The following KAZN variants were observed in gnomAD, a reference collection of about 807,000 sequenced individuals.
The protein encoded by KAZN is kazrin, periplakin interacting protein, also known as kazrin.
Under a neutral mutation model 87.4 loss-of-function variants are expected in KAZN, and 40 were observed. The observed-to-expected ratio is 0.46, with a 90% confidence interval of 0.36 to 0.60. KAZN has a LOEUF of 0.60. KAZN is among the 20% of genes least tolerant of loss of function. The pLI is 0.00. For missense variants in KAZN, 898 were observed against 1,073.9 expected (o/e 0.84, Z 2.29); for synonymous variants, 466 against 458.3 (o/e 1.02, Z -0.22).
chr1:14,888,200 G>A (rs1464674838), intron 1 of KAZN, among the ~76,000 whole-genome samples: 1 of 152,160 alleles, frequency 6.6e-6, no homozygotes, highest in African/African-American at 2.4e-5. Flanking sequence ...TGCTTTCAGA[G>A]GCTCCCAGGC....
intron 1 of KAZN, among the ~76,000 whole-genome samples, chr1:14,867,088 C>T (rs1651541138): frequency 1.1e-5 from 1 of 89,682 alleles, no homozygotes; most frequent in African/African-American, 3.1e-5. Flanking sequence ...ATCCCAAGTT[C>T]GGGCTCGTTT....
intron 2 of KAZN, among the ~76,000 whole-genome samples, chr1:14,459,415 A>G (rs1667742974): frequency 6.6e-6 from 1 of 151,994 alleles, no homozygotes; most frequent in Non-Finnish European, 1.5e-5. Context: ...AAGGGGAAAA[A>G]AAAAAGGCAG....
intron 1 of KAZN, among the ~76,000 whole-genome samples, chr1:14,063,460 T>A (rs1036794462): frequency 2.2e-4 from 34 of 152,190 alleles, no homozygotes; most frequent in Admixed American, 3.3e-4. Flanking sequence ...AAGAGAGGTG[T>A]TAAAGACCAG....
At chr1:14,550,740 C>CTCTCT (rs1673460675) in intron 2 of KAZN, among the ~76,000 whole-genome samples, 5 of 40,556 alleles carry the variant, frequency 1.2e-4, no homozygotes, top group Non-Finnish European at 2.4e-4. Context: ...TCTCTCTCTC[C>CTCTCT]CCCACCCCGC....
At chr1:14,157,428 C>T (rs1358167930) in intron 1 of KAZN, among the ~76,000 whole-genome samples, 2 of 152,152 alleles carry the variant, frequency 1.3e-5, no homozygotes, top group Non-Finnish European at 2.9e-5. Flanking sequence ...TTTATGAAAT[C>T]CCCCAGCTTT....
chr1:15,055,023 A>G (rs1053753978), intron 4 of KAZN, among the ~76,000 whole-genome samples: 5 of 152,108 alleles, frequency 3.3e-5, no homozygotes, highest in African/African-American at 1.2e-4. Flanking sequence ...AGTTCTGCAG[A>G]AGGTGCACAT....
intron 1 of KAZN, among the ~76,000 whole-genome samples, chr1:14,011,076 C>T (rs1640278531): frequency 6.6e-6 from 1 of 152,158 alleles, no homozygotes; most frequent in African/African-American, 2.4e-5. Context: ...GCCCACATCT[C>T]ACCCCATCTT....
At chr1:14,047,964 A>C (rs183578933) in intron 1 of KAZN, among the ~76,000 whole-genome samples, 24 of 152,310 alleles carry the variant, frequency 1.6e-4, no homozygotes, top group African/African-American at 4.6e-4. Context: ...ATGAAGGGAC[A>C]CAGAATTCAG....
At chr1:13,991,420 C>T (rs906032598) in intron 1 of KAZN, among the ~76,000 whole-genome samples, 1 of 151,064 alleles carries the variant, frequency 6.6e-6, no homozygotes, top group Non-Finnish European at 1.5e-5. Flanking sequence ...GCACATGTAT[C>T]CCGGAACTTA....
chr1:13,934,909 C>T (rs897767872), intron 1 of KAZN, among the ~76,000 whole-genome samples: 1 of 152,088 alleles, frequency 6.6e-6, no homozygotes, highest in Non-Finnish European at 1.5e-5. Flanking sequence ...AGAGTTTTTA[C>T]CGAGAGATGA....
At chr1:14,969,311 C>T (rs978312615) in intron 2 of KAZN, among the ~76,000 whole-genome samples, 1 of 152,248 alleles carries the variant, frequency 6.6e-6, no homozygotes, top group African/African-American at 2.4e-5. Flanking sequence ...TAGTCTCATT[C>T]CCTCCATCAA....
chr1:14,580,516 A>T (rs1390102242), intron 2 of KAZN, among the ~76,000 whole-genome samples: 3 of 126,014 alleles, frequency 2.4e-5, no homozygotes, highest in Non-Finnish European at 5.2e-5. Flanking sequence ...ATAAATAAAT[A>T]AAGTATATTA....
chr1:14,388,000 G>A (rs1050231369), intron 2 of KAZN, among the ~76,000 whole-genome samples: 17 of 152,228 alleles, frequency 1.1e-4, no homozygotes, highest in Non-Finnish European at 7.3e-5. Flanking sequence ...ATCCAGGTGC[G>A]GGATATAATC....
At chr1:14,329,886 T>A (rs1443451717) in intron 2 of KAZN, among the ~76,000 whole-genome samples, 2 of 152,266 alleles carry the variant, frequency 1.3e-5, no homozygotes, top group Admixed American at 6.5e-5. Flanking sequence ...TAGCATGTTT[T>A]ACAATTTTGT....
intron 2 of KAZN, among the ~76,000 whole-genome samples, chr1:14,525,090 A>T (rs1671791975): frequency 6.6e-6 from 1 of 152,240 alleles, no homozygotes; most frequent in Admixed American, 6.5e-5. Context: ...AGAGCAGATG[A>T]CACATGGACA....
chr1:13,987,453 G>C (rs1209316256), intron 1 of KAZN, among the ~76,000 whole-genome samples: 2 of 152,072 alleles, frequency 1.3e-5, no homozygotes, highest in Non-Finnish European at 2.9e-5. Flanking sequence ...AGGGACTTTT[G>C]TACCTTGTAA....
In KAZN at chr1:14,670,354, G is replaced by A. The variant is rs1572183904; in HGVS notation, c.226+71131G>A. ...GCACCTGGAAGCCTCGTTGAAAACA[G>A]GTTGCTGGGTCCCACCCTAGAGCTT... On this transcript the variant is annotated intron_variant, in intron 1 of 14. Coordinates refer to ENST00000376030, the MANE Select transcript of KAZN (RefSeq NM_201628.3). Among the ~76,000 whole-genome samples the A allele has an allele frequency of 2.0e-5, 3 of 150,902 alleles. No homozygotes were observed. The East Asian group carries it at 5.9e-4, about 30-fold the overall frequency.
intron 2 of KAZN, among the ~76,000 whole-genome samples, chr1:14,457,306 A>G (rs1667616992): frequency 6.6e-6 from 1 of 152,154 alleles, no homozygotes; most frequent in African/African-American, 2.4e-5. Context: ...TGTTAACCCT[A>G]TAGAGTTTCT....
chr1:14,357,680 T>A (rs1659153621), intron 2 of KAZN, among the ~76,000 whole-genome samples: 1 of 152,232 alleles, frequency 6.6e-6, no homozygotes, highest in African/African-American at 2.4e-5. Context: ...ATTGAGATAA[T>A]CATGTGGTTT....
Sources: allele counts gnomAD v4.1 joint callset (sites outside exome capture counted in the v4.1 genomes callset), GRCh38; gene constraint gnomAD v4.1.1; transcripts MANE v1.5; gene names NCBI Gene and HGNC (gene_info 2026-07-23, HGNC 2026-07-21).